Variants in MAP3K13 observed in about 807,000 individuals in gnomAD.
The protein encoded by MAP3K13 is leucine zipper-bearing kinase.
Under a neutral mutation model 104.0 loss-of-function variants are expected in MAP3K13, and 52 were observed. The observed-to-expected ratio is 0.50, with a 90% CI of 0.40 to 0.63. MAP3K13 has a LOEUF of 0.63. MAP3K13 is among the 20% of genes least tolerant of loss of function. MAP3K13 has a pLI of 0.00. For synonymous variants in MAP3K13, 394 were observed against 442.2 expected (o/e 0.89, Z 1.37); for missense variants, 914 against 1,218.5 (o/e 0.75, Z 3.72).
At chr3:185,319,748 C>A (rs1721793718) in intron 2 of MAP3K13, among the ~76,000 whole-genome samples, 1 of 152,216 alleles carries the variant, frequency 6.6e-6, no homozygotes, top group Non-Finnish European at 1.5e-5. Context: ...ATTCTACCAA[C>A]CTCCTAATTA....
rs926183457 is a variant in MAP3K13 at position 185,480,216 on chromosome 3, T to G, written c.2502-16T>G. ...TGTTCCTCTGACTAAGTTCTCCTGG[T>G]TCTTCTTGGTTCTAGGCCCCATCGC... On this transcript the variant is annotated splice_polypyrimidine_tract_variant and intron_variant, in intron 12 of 13. Coordinates refer to ENST00000265026, the MANE Select transcript of MAP3K13 (RefSeq NM_004721.5). 2.5e-6 allele frequency: 4 copies of G among 1,607,450 alleles called. No homozygotes were observed. Among genetic ancestry groups the G allele is most frequent in the Non-Finnish European group, 3.4e-6 (4 of 1,175,892 alleles).
intron 1 of MAP3K13, among the ~76,000 whole-genome samples, chr3:185,400,905 G>GTTTTTTTTTTTTTTTTTTTTTTTTT (rs71164506): frequency 2.8e-5 from 3 of 107,280 alleles, no homozygotes; most frequent in Non-Finnish European, 5.5e-5. Context: ...GTGTTTGTTT[G>GTTTTTTTTTTTTTTTTTTTTTTTTT]TTTTTTTTTT....
At chr3:185,447,168 C>T (rs1279173813) in intron 4 of MAP3K13, among the ~76,000 whole-genome samples, 1 of 152,074 alleles carries the variant, frequency 6.6e-6, no homozygotes, top group Non-Finnish European at 1.5e-5. Context: ...GAAGAGTCTC[C>T]ATCCTACACA....
chr3:185,455,691 T>TCATATATATGA (rs1716618796), intron 7 of MAP3K13, among the ~76,000 whole-genome samples: 1 of 17,844 alleles, frequency 5.6e-5, no homozygotes, highest in Middle Eastern at 0.071. Context: ...GATATATATA[T>TCATATATATGA]GATATATATA....
intron 10 of MAP3K13, among the ~76,000 whole-genome samples, chr3:185,470,150 G>A (rs1273099261): frequency 1.3e-5 from 2 of 152,100 alleles, no homozygotes; most frequent in Non-Finnish European, 2.9e-5. Flanking sequence ...ATAATAATTC[G>A]AGAGGATTCT....
chr3:185,361,261 C>A (rs1470441521), upstream of MAP3K13, among the ~76,000 whole-genome samples: 2 of 151,304 alleles, frequency 1.3e-5, no homozygotes, highest in Non-Finnish European at 1.5e-5. Context: ...TGCCTCTTTC[C>A]ATTAGTTAGT....
intron 1 of MAP3K13, among the ~76,000 whole-genome samples, chr3:185,378,103 G>A (rs1336391089): frequency 6.6e-6 from 1 of 152,228 alleles, no homozygotes; most frequent in African/African-American, 2.4e-5. Flanking sequence ...CACAGTGGAG[G>A]CAAGGAATTA....
At chr3:185,400,905 G>GTTTTTTTTTTTTTTTTT (rs71164506) in intron 1 of MAP3K13, among the ~76,000 whole-genome samples, 28 of 107,270 alleles carry the variant, frequency 2.6e-4, no homozygotes, top group Non-Finnish European at 2.8e-4. Flanking sequence ...GTGTTTGTTT[G>GTTTTTTTTTTTTTTTTT]TTTTTTTTTT....
chr3:185,297,724 G>A (rs1293711309), intron 2 of MAP3K13, among the ~76,000 whole-genome samples: 1 of 126,440 alleles, frequency 7.9e-6, no homozygotes, highest in East Asian at 2.2e-4. Context: ...AACACAGTGA[G>A]ACTCCGTCTC....
intron 7 of MAP3K13, among the ~76,000 whole-genome samples, chr3:185,453,921 T>C (rs1467417053): frequency 4.1e-5 from 2 of 49,144 alleles, no homozygotes; most frequent in African/African-American, 1.1e-4. Flanking sequence ...ATATATGTGA[T>C]ACATATATAT....
chr3:185,466,552 T>C lies in MAP3K13; in HGVS notation c.1506-274T>C, dbSNP rs763600430. Among the ~76,000 whole-genome samples, 38 of 151,974 alleles carry C rather than the reference T, an allele frequency of 2.5e-4. 1 individual carries two copies. The highest frequency in any genetic ancestry group is 1.0e-4 in the Non-Finnish European group (7 of 67,976). On this transcript the variant is annotated intron_variant, in intron 9 of 13. Coordinates refer to ENST00000265026, the MANE Select transcript of MAP3K13 (RefSeq NM_004721.5). ...CCACCATGCCCAGCTAATTTTTGTA[T>C]TTTTAGTAGAAATGGGATTTCACTA...
Position 185,363,248 on chromosome 3 carries a change from GA to G in MAP3K13, c.-205del, listed in dbSNP as rs1269085287. The G allele has an allele frequency of 1.4e-5, 14 of 985,254 alleles. No individual in the cohort carries two copies. The highest frequency in any genetic ancestry group is 1.6e-5 in the Non-Finnish European group (13 of 829,926). 61.0% of individuals were successfully genotyped at this position (985,254 alleles called of 1,614,324 possible). On this transcript the variant is annotated 5_prime_UTR_variant, in exon 1 of 14. It introduces an in-frame stop codon into an upstream open reading frame of the 5' UTR. Coordinates refer to ENST00000265026, the MANE Select transcript of MAP3K13 (RefSeq NM_004721.5). Reference sequence around the variant, plus strand: ...TGGGCTCCTTTGCGGTGGGCTGGAGGATTGTGTGGGTGGAATCCCCCTCCCC... The same window carrying G: ...TGGGCTCCTTTGCGGTGGGCTGGAGGTTGTGTGGGTGGAATCCCCCTCCCC...
chr3:185,393,668 CA>C (rs1406117335), intron 1 of MAP3K13, among the ~76,000 whole-genome samples: 1 of 151,998 alleles, frequency 6.6e-6, no homozygotes, highest in Non-Finnish European at 1.5e-5. Flanking sequence ...CCGTGTTAGC[CA>C]GGATGGTCTT....
At position 185,486,807 on chromosome 3, in the gene MAP3K13, A is replaced by G. The variant is rs1043058426; in HGVS notation, c.*4351A>G. 6.6e-6 allele frequency: 1 copy of G among 152,162 alleles called. No individual in the cohort carries two copies. The highest frequency in any genetic ancestry group is 1.5e-5 in the Non-Finnish European group (1 of 68,030). 9.4% of individuals were successfully genotyped at this position (152,162 alleles called of 1,614,324 possible). On this transcript the variant is annotated 3_prime_UTR_variant, in exon 14 of 14. Transcript: ENST00000265026. ...TATCCTCTGGATAACAGTTCCTTTTAAAATTGCTTTGCAGAGGGGCTGAGA... is the reference window on the plus strand; with the variant it reads ...TATCCTCTGGATAACAGTTCCTTTTGAAATTGCTTTGCAGAGGGGCTGAGA...
chr3:185,413,341 T>A (rs543793134), intron 1 of MAP3K13, among the ~76,000 whole-genome samples: 1 of 152,186 alleles, frequency 6.6e-6, no homozygotes, highest in Admixed American at 6.5e-5. Context: ...CCTGTAATGA[T>A]GGAAATGTTC....
chr3:185,336,100 G>C (rs1220829177), intron 2 of MAP3K13, among the ~76,000 whole-genome samples: 1 of 152,098 alleles, frequency 6.6e-6, no homozygotes, highest in African/African-American at 2.4e-5. Flanking sequence ...AATATGAGTT[G>C]TCACATAAGA....
chr3:185,454,998 ATATATAT>A lies in MAP3K13; in HGVS notation c.1278+3604_1278+3610del, dbSNP rs1420014859. Among the ~76,000 whole-genome samples the A allele has an allele frequency of 8.3e-4, 27 of 32,632 alleles. 4 individuals are homozygous for A. In the East Asian group the frequency reaches 8.8e-3, roughly 11 times the overall value. 21.4% of individuals were successfully genotyped at this position (32,632 alleles called of 152,430 possible). A position where few individuals can be genotyped will look rare whatever the true frequency, so the allele number is the denominator to read the frequency against. Reference sequence around the variant, plus strand: ...ATATGATATATATGAGATATATATGATATATATGAGATATATATGATATATATGAGAT... The same window carrying A: ...ATATGATATATATGAGATATATATGAGAGATATATATGATATATATGAGAT... On this transcript the variant is annotated intron_variant, in intron 7 of 13. Coordinates refer to ENST00000265026, the MANE Select transcript of MAP3K13 (RefSeq NM_004721.5).
chr3:185,360,585 C>A (rs996115775), upstream of MAP3K13, among the ~76,000 whole-genome samples: 2 of 152,214 alleles, frequency 1.3e-5, no homozygotes, highest in South Asian at 2.1e-4. Flanking sequence ...GTACAGGAAG[C>A]ATGCTAACTG....
chr3:185,383,444 C>A (rs957044039), intron 1 of MAP3K13, among the ~76,000 whole-genome samples: 4 of 151,972 alleles, frequency 2.6e-5, no homozygotes, highest in Non-Finnish European at 5.9e-5. Context: ...CACCTGTAGT[C>A]CCAGCTACTC....
Sources: gnomAD v4.1 joint callset for allele counts (sites outside exome capture counted in the v4.1 genomes callset) on GRCh38, gnomAD v4.1.1 for gene constraint, MANE v1.5 for transcripts, NCBI Gene and HGNC (gene_info 2026-07-23, HGNC 2026-07-21) for gene names.